Variants in HS3ST3A1 observed in about 807,000 individuals in gnomAD.
HS3ST3A1 encodes heparan sulfate glucosamine 3-O-sulfotransferase 3A1.
In HS3ST3A1, 19 loss-of-function variants were observed where a neutral mutation model predicts 25.7. The observed-to-expected ratio is 0.74, with a 90% CI of 0.52 to 1.08. The LOEUF is 1.08. HS3ST3A1 is among the 50% of genes least tolerant of loss of function. HS3ST3A1 has a pLI of 0.00. For synonymous variants in HS3ST3A1, 226 were observed against 278.6 expected, an observed-to-expected ratio of 0.81 and a Z score of 1.88; for missense variants, 459 against 594.3, an observed-to-expected ratio of 0.77 and a Z score of 2.37.
At chr17:13,593,976 C>T (rs558183717) in intron 1 of HS3ST3A1, among the ~76,000 whole-genome samples, 4 of 152,284 alleles carry the variant, frequency 2.6e-5, no homozygotes, top group East Asian at 1.9e-4. Context: ...TAATGACTCA[C>T]TTTTGTCTCC....
At chr17:13,509,152 CG>C (rs1344789643) in intron 1 of HS3ST3A1, among the ~76,000 whole-genome samples, 1 of 151,862 alleles carries the variant, frequency 6.6e-6, no homozygotes, top group Non-Finnish European at 1.5e-5. Context: ...AAGGAGGAGA[CG>C]GGGGAGTTGG....
At chr17:13,519,770 T>C (rs1906171714) in intron 1 of HS3ST3A1, among the ~76,000 whole-genome samples, 1 of 152,150 alleles carries the variant, frequency 6.6e-6, no homozygotes, top group South Asian at 2.1e-4. Flanking sequence ...TTTTAATCTT[T>C]ACCAAGTCTA....
Position 13,494,909 on chromosome 17 carries a change from T to C in HS3ST3A1, c.*1288A>G, listed in dbSNP as rs1905227766. Among the ~76,000 whole-genome samples, 1 of 152,184 alleles carries C rather than the reference T, an allele frequency of 6.6e-6. No homozygotes were observed. The highest frequency in any genetic ancestry group is 6.5e-5 in the Admixed American group (1 of 15,274). ...TTTCCAAATATTACTGAACATTAGG[T>C]TATAAATGGTATAAATAGGAAGTGG... On this transcript the variant is annotated 3_prime_UTR_variant, in exon 2 of 2. Coordinates refer to ENST00000284110, the MANE Select transcript of HS3ST3A1 (RefSeq NM_006042.3).
chr17:13,539,895 C>T (rs9915200), intron 1 of HS3ST3A1, among the ~76,000 whole-genome samples: 5,940 of 152,264 alleles, frequency 0.039, 381 homozygotes, highest in African/African-American at 0.13. Context: ...TCACCACCAA[C>T]CATGTAAGAT....
At chr17:13,578,307 T>C (rs1167554545) in intron 1 of HS3ST3A1, among the ~76,000 whole-genome samples, 1 of 148,834 alleles carries the variant, frequency 6.7e-6, no homozygotes, top group Non-Finnish European at 1.5e-5. Flanking sequence ...CAGAGCTTTG[T>C]GAGGCCGAGG....
Position 13,575,596 on chromosome 17 carries a change from C to G in HS3ST3A1, c.599+24935G>C, listed in dbSNP as rs184761560. On this transcript the variant is annotated intron_variant, in intron 1 of 1. Coordinates refer to ENST00000284110, the MANE Select transcript of HS3ST3A1 (RefSeq NM_006042.3). ...AGATTTTAGCTCCTTCTGCCTGTAT[C>G]TGAGGTTCCCAGATAGCACAAGACC... Among the ~76,000 whole-genome samples the G allele has an allele frequency of 2.2e-3, 328 of 152,268 alleles. 3 individuals carry two copies. The highest frequency in any genetic ancestry group is 7.7e-3 in the African/African-American group (318 of 41,552).
chr17:13,574,059 C>G (rs1488185557), intron 1 of HS3ST3A1, among the ~76,000 whole-genome samples: 1 of 151,830 alleles, frequency 6.6e-6, no homozygotes, highest in Non-Finnish European at 1.5e-5. Context: ...AGACCATTCC[C>G]TAATGCAGTT....
intron 1 of HS3ST3A1, among the ~76,000 whole-genome samples, chr17:13,549,548 C>A (rs978778415): frequency 6.6e-6 from 1 of 152,278 alleles, no homozygotes; most frequent in East Asian, 1.9e-4. Context: ...CACCGCTGTT[C>A]GACAATCCTC....
chr17:13,533,185 A>G (rs999544895), intron 1 of HS3ST3A1, among the ~76,000 whole-genome samples: 4 of 152,180 alleles, frequency 2.6e-5, no homozygotes, highest in Non-Finnish European at 2.9e-5. Context: ...TATATAGTCA[A>G]GTTAGGCTTT....
At chr17:13,536,034 T>C (rs2142337832) in intron 1 of HS3ST3A1, among the ~76,000 whole-genome samples, 1 of 152,320 alleles carries the variant, frequency 6.6e-6, no homozygotes, top group African/African-American at 2.4e-5. Context: ...TTGCAACTGC[T>C]GGACAGAGTT....
chr17:13,538,327 C>T (rs1402275452), intron 1 of HS3ST3A1, among the ~76,000 whole-genome samples: 1 of 152,152 alleles, frequency 6.6e-6, no homozygotes, highest in African/African-American at 2.4e-5. Context: ...CCAAGCCATC[C>T]CGATTAGCCA....
chr17:13,586,710 A>G (rs573327210), intron 1 of HS3ST3A1, among the ~76,000 whole-genome samples: 1 of 151,324 alleles, frequency 6.6e-6, no homozygotes. Flanking sequence ...TACTAAAAAA[A>G]TACAAAAAAA....
intron 1 of HS3ST3A1, among the ~76,000 whole-genome samples, chr17:13,506,680 C>G (rs763894499): frequency 5.9e-5 from 9 of 152,130 alleles, no homozygotes; most frequent in Non-Finnish European, 1.3e-4. Context: ...AGAGAGGTCT[C>G]ACTATATTCC....
intron 1 of HS3ST3A1, among the ~76,000 whole-genome samples, chr17:13,512,650 T>C (rs1429467017): frequency 6.6e-6 from 1 of 152,210 alleles, no homozygotes; most frequent in Admixed American, 6.5e-5. Context: ...TCTGGACCTT[T>C]TCATAAAACA....
intron 1 of HS3ST3A1, among the ~76,000 whole-genome samples, chr17:13,515,180 G>C (rs1413697733): frequency 6.6e-6 from 1 of 152,168 alleles, no homozygotes; most frequent in African/African-American, 2.4e-5. Flanking sequence ...TATATTTTCT[G>C]AGACGAGTTT....
intron 1 of HS3ST3A1, among the ~76,000 whole-genome samples, chr17:13,597,705 T>C (rs1008310134): frequency 6.6e-6 from 1 of 152,220 alleles, no homozygotes; most frequent in African/African-American, 2.4e-5. Flanking sequence ...TTTTGAATAA[T>C]AAATATTTTC....
intron 1 of HS3ST3A1, among the ~76,000 whole-genome samples, chr17:13,504,831 C>T (rs1905605412): frequency 1.3e-5 from 2 of 152,174 alleles, no homozygotes; most frequent in Admixed American, 1.3e-4. Context: ...CCACTTCTCC[C>T]TCACCTCAGG....
intron 1 of HS3ST3A1, among the ~76,000 whole-genome samples, chr17:13,531,145 C>T (rs1026069696): frequency 6.6e-6 from 1 of 152,178 alleles, no homozygotes; most frequent in African/African-American, 2.4e-5. Context: ...GATGGCTGTG[C>T]AATTTTATCG....
At chr17:13,526,718 G>A (rs1432969476) in intron 1 of HS3ST3A1, among the ~76,000 whole-genome samples, 3 of 151,574 alleles carry the variant, frequency 2.0e-5, no homozygotes, top group Non-Finnish European at 2.9e-5. Context: ...CATGATCTCG[G>A]CTTACAGCAA....
Sources: gnomAD v4.1 joint callset for allele counts (sites outside exome capture counted in the v4.1 genomes callset) on GRCh38, gnomAD v4.1.1 for gene constraint, MANE v1.5 for transcripts, NCBI Gene and HGNC (gene_info 2026-07-23, HGNC 2026-07-21) for gene names.